Variants in MTCL2 observed in about 807,000 individuals in gnomAD.
The protein encoded by MTCL2 is microtubule cross-linking factor 2.
the MTCL2 span, among the ~76,000 whole-genome samples, chr20:36,858,311 AACACACACACACACACACACACACAC>A: frequency 3.1e-5 from 1 of 31,834 alleles, no homozygotes. Context: ...AAGGAGGGAA[AACACACACACACACACACACACACAC>A]ACACACACAC....
At chr20:36,828,889 G>T in the MTCL2 span, 2 of 706,276 alleles carry the variant, frequency 2.8e-6, no homozygotes, top group Non-Finnish European at 4.6e-6. Context: ...CACAGTAGGT[G>T]CTCAGGAAAT....
At chr20:36,809,599 T>C in the MTCL2 span, among the ~76,000 whole-genome samples, 16 of 149,958 alleles carry the variant, frequency 1.1e-4, no homozygotes, top group Non-Finnish European at 7.4e-5. Context: ...TTTTTTTTTT[T>C]AGATATCACT....
chr20:36,788,063 T>C, the MTCL2 span, among the ~76,000 whole-genome samples: 9 of 150,384 alleles, frequency 6.0e-5, no homozygotes, highest in African/African-American at 2.2e-4. Flanking sequence ...TACCCGGGCA[T>C]GGTGGCACAT....
chr20:36,849,732 G>A, the MTCL2 span, among the ~76,000 whole-genome samples: 2 of 152,166 alleles, frequency 1.3e-5, no homozygotes, highest in Non-Finnish European at 2.9e-5. Context: ...AATGATTTAC[G>A]TTTGTACACT....
the MTCL2 span, among the ~76,000 whole-genome samples, chr20:36,838,121 G>GC: frequency 6.6e-6 from 1 of 151,940 alleles, no homozygotes. Flanking sequence ...CACGATCTTG[G>GC]CTCACTGCAA....
the MTCL2 span, chr20:36,808,471 C>T: frequency 1.3e-6 from 2 of 1,534,402 alleles, no homozygotes; most frequent in Admixed American, 3.9e-5. Context: ...TCCCTCTCTC[C>T]CCAGCCCACA....
At chr20:36,786,410 C>G in the MTCL2 span, 3 of 1,441,030 alleles carry the variant, frequency 2.1e-6, no homozygotes, top group East Asian at 7.5e-5. Context: ...CTCGCCTCAC[C>G]TCGTCTCGTC....
chr20:36,861,885 A>G, the MTCL2 span, among the ~76,000 whole-genome samples: 2 of 152,240 alleles, frequency 1.3e-5, no homozygotes, highest in Non-Finnish European at 2.9e-5. Context: ...GGGTCCCCAC[A>G]TGGCCACAGG....
chr20:36,844,424 C>T, the MTCL2 span, among the ~76,000 whole-genome samples: 57 of 144,430 alleles, frequency 3.9e-4, no homozygotes, highest in African/African-American at 5.0e-4. Flanking sequence ...ATAATAATAA[C>T]AACAATAATA....
the MTCL2 span, chr20:36,806,094 C>T: frequency 1.6e-6 from 1 of 636,796 alleles, no homozygotes; most frequent in Non-Finnish European, 2.7e-6. Context: ...CTATTCTGCC[C>T]CAAAGACCAG....
the MTCL2 span, among the ~76,000 whole-genome samples, chr20:36,836,569 C>G: frequency 1.3e-5 from 2 of 151,988 alleles, no homozygotes; most frequent in Admixed American, 1.3e-4. Context: ...GTCTCGAACT[C>G]CTGACCTCAG....
the MTCL2 span, among the ~76,000 whole-genome samples, chr20:36,796,462 G>A: frequency 6.6e-6 from 1 of 152,310 alleles, no homozygotes; most frequent in Non-Finnish European, 1.5e-5. Flanking sequence ...ATGGTCTTGG[G>A]GTGGGGGTCT....
the MTCL2 span, among the ~76,000 whole-genome samples, chr20:36,840,166 GT>G: frequency 1.5e-3 from 188 of 122,898 alleles, no homozygotes; most frequent in Admixed American, 2.6e-3. Flanking sequence ...CCAGCCTGGT[GT>G]TTTTTTTTTT....
At chr20:36,853,480 G>A in the MTCL2 span, among the ~76,000 whole-genome samples, 6 of 152,240 alleles carry the variant, frequency 3.9e-5, no homozygotes, top group African/African-American at 7.2e-5. Flanking sequence ...ATTGACAAGC[G>A]TTTAATGCGT....
At chr20:36,838,410 CATA>C in the MTCL2 span, among the ~76,000 whole-genome samples, 2 of 151,838 alleles carry the variant, frequency 1.3e-5, no homozygotes, top group Non-Finnish European at 2.9e-5. Flanking sequence ...GCCTGGGCAA[CATA>C]ATGAGACCCC....
chr20:36,855,198 C>T, the MTCL2 span, among the ~76,000 whole-genome samples: 2 of 152,220 alleles, frequency 1.3e-5, no homozygotes, highest in South Asian at 2.1e-4. Flanking sequence ...CTTTCTCTTA[C>T]GGAACCCTCA....
At chr20:36,861,999 C>T in the MTCL2 span, among the ~76,000 whole-genome samples, 6 of 152,342 alleles carry the variant, frequency 3.9e-5, no homozygotes, top group South Asian at 2.1e-4. Context: ...AGGTCTGCCC[C>T]AGGGAGGGCA....
the MTCL2 span, among the ~76,000 whole-genome samples, chr20:36,833,084 C>T: frequency 1.2e-4 from 19 of 152,278 alleles, no homozygotes; most frequent in South Asian, 3.9e-3. Context: ...AGGTCACTTC[C>T]CAAGGTCACA....
At chr20:36,829,206 T>C in the MTCL2 span, 2 of 1,609,288 alleles carry the variant, frequency 1.2e-6, no homozygotes, top group Non-Finnish European at 1.7e-6. Flanking sequence ...GAGATGTCCT[T>C]AGAGACCTGT....
Sources: gnomAD v4.1 joint callset for allele counts (sites outside exome capture counted in the v4.1 genomes callset) on GRCh38, gnomAD v4.1.1 for gene constraint, MANE v1.5 for transcripts, NCBI Gene and HGNC (gene_info 2026-07-23, HGNC 2026-07-21) for gene names.